The following ADK variants were observed in gnomAD, a reference collection of about 807,000 sequenced individuals.
The protein encoded by ADK is N6,N6-dimethyladenosine kinase.
In ADK, 24 loss-of-function variants were observed where a neutral mutation model predicts 44.7. The ratio of observed to expected loss-of-function variants is 0.54; its 90% confidence interval spans 0.39 to 0.76. ADK has a LOEUF of 0.76. Among genes scored for constraint, ADK ranks in the 30% least tolerant of loss-of-function variants. ADK has a pLI of 0.00. For synonymous variants in ADK, 128 were observed against 142.6 expected (o/e 0.90, Z 0.73); for missense variants, 321 against 425.1 (o/e 0.76, Z 2.15).
At chr10:74,405,202 CTT>C (rs575449462) in intron 6 of ADK, among the ~76,000 whole-genome samples, 19 of 151,912 alleles carry the variant, frequency 1.3e-4, no homozygotes, top group Non-Finnish European at 2.2e-4. Flanking sequence ...TGGGGGAAGA[CTT>C]TTCTTAGTAC....
chr10:74,573,389 C>T (rs1300956839), intron 7 of ADK, among the ~76,000 whole-genome samples: 1 of 152,154 alleles, frequency 6.6e-6, no homozygotes, highest in African/African-American at 2.4e-5. Context: ...AGTGCCCGGC[C>T]GTGTGAGGTG....
intron 1 of ADK, among the ~76,000 whole-genome samples, chr10:74,182,643 C>T (rs2132088151): frequency 6.6e-6 from 1 of 152,228 alleles, no homozygotes; most frequent in East Asian, 1.9e-4. Context: ...TGCTCACAGG[C>T]ATGAGCTACC....
intron 7 of ADK, among the ~76,000 whole-genome samples, chr10:74,584,885 G>A (rs1020452478): frequency 6.6e-6 from 1 of 152,164 alleles, no homozygotes; most frequent in African/African-American, 2.4e-5. Flanking sequence ...CAAATAATTG[G>A]AATTGCAGTG....
intron 7 of ADK, 133 bp downstream of exon 7, chr10:74,525,559 C>A: frequency 1.3e-6 from 1 of 780,416 alleles, no homozygotes; most frequent in Non-Finnish European, 2.0e-6. Flanking sequence ...AATTGTGCAA[C>A]AAAATTGCCT....
chr10:74,349,499 G>A (rs1592082649), intron 4 of ADK, among the ~76,000 whole-genome samples: 1 of 152,150 alleles, frequency 6.6e-6, no homozygotes, highest in East Asian at 1.9e-4. Flanking sequence ...TGAAGAAACT[G>A]CTTCAATTAG....
intron 3 of ADK, among the ~76,000 whole-genome samples, chr10:74,264,530 G>A (rs1846148669): frequency 6.6e-6 from 1 of 151,724 alleles, no homozygotes; most frequent in Non-Finnish European, 1.5e-5. Context: ...TGTATTTTAT[G>A]GATACAAATT....
intron 4 of ADK, among the ~76,000 whole-genome samples, chr10:74,378,496 T>C (rs1398968330): frequency 1.3e-5 from 2 of 152,184 alleles, no homozygotes; most frequent in African/African-American, 4.8e-5. Flanking sequence ...GTAGTATGTT[T>C]TGAATATCAC....
At chr10:74,312,425 CT>C (rs61133957) in intron 3 of ADK, among the ~76,000 whole-genome samples, 1,433 of 136,686 alleles carry the variant, frequency 0.01, 17 homozygotes, top group African/African-American at 0.031. Flanking sequence ...CAGACATTCA[CT>C]TTTTTTTTTT....
At chr10:74,408,958 G>T (rs1844065192) in intron 6 of ADK, among the ~76,000 whole-genome samples, 1 of 152,070 alleles carries the variant, frequency 6.6e-6, no homozygotes, top group African/African-American at 2.4e-5. Flanking sequence ...AGTATCAGTT[G>T]TAATCTTAAA....
At chr10:74,655,454 C>A in intron 9 of ADK, 1 of 455,270 alleles carries the variant, frequency 2.2e-6, no homozygotes, top group South Asian at 1.8e-5. Context: ...TGACCCTGGG[C>A]TGAGGAATGA....
chr10:74,673,719 C>T (rs540155626), intron 10 of ADK, among the ~76,000 whole-genome samples: 8 of 152,166 alleles, frequency 5.3e-5, no homozygotes, highest in African/African-American at 1.2e-4. Flanking sequence ...TCATGGCACC[C>T]GAGTTCTTGT....
intron 7 of ADK, among the ~76,000 whole-genome samples, chr10:74,581,266 A>G (rs911261225): frequency 1.3e-5 from 2 of 152,150 alleles, no homozygotes; most frequent in African/African-American, 2.4e-5. Context: ...AAAAAGACCT[A>G]ATTTCTAGAA....
At chr10:74,609,556 T>C (rs1316875749) in intron 9 of ADK, among the ~76,000 whole-genome samples, 6 of 152,156 alleles carry the variant, frequency 3.9e-5, no homozygotes, top group Non-Finnish European at 8.8e-5. Context: ...GCTCGCCCTT[T>C]GTGGGCTGCA....
chr10:74,319,671 A>G (rs1840744784), intron 4 of ADK, among the ~76,000 whole-genome samples: 1 of 152,154 alleles, frequency 6.6e-6, no homozygotes, highest in African/African-American at 2.4e-5. Context: ...TTTTGTGTCT[A>G]AGTAATAAAA....
At chr10:74,695,325 T>C (rs1856137235) in intron 10 of ADK, among the ~76,000 whole-genome samples, 1 of 152,170 alleles carries the variant, frequency 6.6e-6, no homozygotes, top group South Asian at 2.1e-4. Context: ...TCTTCTCCAA[T>C]AACCCAGCAT....
chr10:74,279,563 A>T (rs1846835208), intron 3 of ADK, among the ~76,000 whole-genome samples: 1 of 150,094 alleles, frequency 6.7e-6, no homozygotes, highest in Non-Finnish European at 1.5e-5. Context: ...TGGGTGACAG[A>T]GTGAGACTTC....
At chr10:74,291,516 G>C (rs1031514740) in intron 3 of ADK, among the ~76,000 whole-genome samples, 2 of 152,072 alleles carry the variant, frequency 1.3e-5, no homozygotes, top group African/African-American at 4.8e-5. Flanking sequence ...AGATTGTTAT[G>C]AGTTATAGGT....
intron 4 of ADK, among the ~76,000 whole-genome samples, chr10:74,337,985 G>C (rs1841464429): frequency 1.3e-5 from 2 of 151,866 alleles, no homozygotes; most frequent in Admixed American, 6.6e-5. Flanking sequence ...CTCCAGTCTG[G>C]GTGACAGAGC....
intron 7 of ADK, among the ~76,000 whole-genome samples, chr10:74,532,513 GA>G (rs1257955920): frequency 6.7e-6 from 1 of 149,420 alleles, no homozygotes; most frequent in Non-Finnish European, 1.5e-5. Flanking sequence ...GTAGAAGCAT[GA>G]AAAAATCCAG....
Sources: allele counts gnomAD v4.1 joint callset (sites outside exome capture counted in the v4.1 genomes callset), GRCh38; gene constraint gnomAD v4.1.1; transcripts MANE v1.5; gene names NCBI Gene and HGNC (gene_info 2026-07-23, HGNC 2026-07-21).